SULF1: variants seen among roughly 807,000 people sequenced by gnomAD.
The protein encoded by SULF1 is sulfatase 1.
SULF1 carries 46 observed loss-of-function variants against 110.5 expected under a neutral mutation model. The observed-to-expected ratio is 0.42, with a 90% CI of 0.33 to 0.53. SULF1 has a LOEUF of 0.53. Ranked by LOEUF, SULF1 falls within the 20% of genes least tolerant of loss-of-function variation. SULF1 has a pLI of 0.12. For missense variants in SULF1, 941 were observed against 1,094.2 expected (o/e 0.86, Z 1.98); for synonymous variants, 371 against 387.1 (o/e 0.96, Z 0.49).
chr8:69,590,687 C>G (rs778212043), intron 8 of SULF1, among the ~76,000 whole-genome samples: 1 of 152,134 alleles, frequency 6.6e-6, no homozygotes, highest in Non-Finnish European at 1.5e-5. Flanking sequence ...AAAATATCAT[C>G]GACAAATCAT....
At chr8:69,638,002 C>T (rs1481713988) in intron 19 of SULF1, 1 of 164,348 alleles carries the variant, frequency 6.1e-6, no homozygotes, top group Non-Finnish European at 1.3e-5. Context: ...CCAAATCCTC[C>T]AGGCTGGGCT....
chr8:69,625,089 CTGTT>C (rs1001138817), intron 15 of SULF1, among the ~76,000 whole-genome samples: 8 of 152,320 alleles, frequency 5.3e-5, no homozygotes, highest in Non-Finnish European at 7.3e-5. Context: ...ATCCCTGGGG[CTGTT>C]TGTTTACTTC....
Position 69,618,168 on chromosome 8 carries a change from AC to A in SULF1, c.1378-2866del, listed in dbSNP as rs1466978436. The stretch of plus-strand genomic sequence containing the variant: ...TCCTGTGTTTAATTAAGTTGACTTC[AC>A]AGTTTTTAAGTTAAATCATCTCTAA... On this transcript the variant is annotated intron_variant, in intron 13 of 22. Transcript: ENST00000402687. 3.3e-5 allele frequency among the ~76,000 whole-genome samples: 5 copies of A among 152,336 alleles called. No individual in the cohort carries two copies. The East Asian group carries it at 9.6e-4, about 29-fold the overall frequency.
chr8:69,469,813 G>A (rs1264440842), intron 1 of SULF1, among the ~76,000 whole-genome samples: 2 of 152,160 alleles, frequency 1.3e-5, no homozygotes, highest in African/African-American at 2.4e-5. Flanking sequence ...AGGCCGAGGC[G>A]GGTGGATCAC....
intron 3 of SULF1, among the ~76,000 whole-genome samples, chr8:69,557,004 A>G (rs746827821): frequency 2.2e-4 from 34 of 152,054 alleles, no homozygotes; most frequent in Non-Finnish European, 4.4e-4. Flanking sequence ...TCCCACTTAT[A>G]AGTGAGAACA....
intron 13 of SULF1, among the ~76,000 whole-genome samples, chr8:69,611,634 T>C (rs1235407205): frequency 6.6e-6 from 1 of 151,996 alleles, no homozygotes; most frequent in Non-Finnish European, 1.5e-5. Flanking sequence ...CACATGCAGG[T>C]AACTTTTTTA....
intron 3 of SULF1, among the ~76,000 whole-genome samples, chr8:69,552,660 G>C (rs1163602600): frequency 6.6e-6 from 1 of 152,154 alleles, no homozygotes; most frequent in Non-Finnish European, 1.5e-5. Flanking sequence ...AGGATTTATT[G>C]ATCCAATACT....
intron 18 of SULF1, 29 bp from the exon 19 acceptor site, chr8:69,629,475 A>G: frequency 6.3e-7 from 1 of 1,585,818 alleles, no homozygotes. Flanking sequence ...CCTTCTGAAC[A>G]CTCAAAATAA....
chr8:69,575,934 C>T (rs779086657), intron 5 of SULF1, 36 bp from the exon 6 acceptor site: 1 of 1,605,868 alleles, frequency 6.2e-7, no homozygotes, highest in Non-Finnish European at 8.5e-7. Context: ...TCATGTGCTG[C>T]ACTTTGCTAA....
At chr8:69,506,497 G>A (rs551776170) in intron 3 of SULF1, among the ~76,000 whole-genome samples, 1 of 152,194 alleles carries the variant, frequency 6.6e-6, no homozygotes, top group Non-Finnish European at 1.5e-5. Context: ...AAGCCAGTGA[G>A]CTTATGTTTA....
At chr8:69,573,734 T>C (rs1189211478) in intron 5 of SULF1, among the ~76,000 whole-genome samples, 1 of 152,188 alleles carries the variant, frequency 6.6e-6, no homozygotes, top group Non-Finnish European at 1.5e-5. Flanking sequence ...TCCACTTATC[T>C]CCAGGATATT....
intron 5 of SULF1, among the ~76,000 whole-genome samples, chr8:69,564,769 G>A (rs1374451273): frequency 6.6e-6 from 1 of 152,170 alleles, no homozygotes; most frequent in East Asian, 1.9e-4. Context: ...TCACCTGACT[G>A]GGTTTCTTAC....
chr8:69,567,225 G>A (rs1351624487), intron 5 of SULF1, among the ~76,000 whole-genome samples: 1 of 152,034 alleles, frequency 6.6e-6, no homozygotes, highest in African/African-American at 2.4e-5. Flanking sequence ...CTCCTTTCTT[G>A]GCAGAAAAGT....
intron 5 of SULF1, among the ~76,000 whole-genome samples, chr8:69,573,443 A>C (rs1805386726): frequency 6.6e-6 from 1 of 152,182 alleles, no homozygotes; most frequent in South Asian, 2.1e-4. Flanking sequence ...ATGAGTCTGT[A>C]AACTAGAGAT....
chr8:69,489,787 A>AG (rs1363076958), upstream of SULF1, among the ~76,000 whole-genome samples: 5 of 152,040 alleles, frequency 3.3e-5, no homozygotes, highest in Admixed American at 2.6e-4. Flanking sequence ...CATGTTAGCC[A>AG]GGATGGTCTC....
At chr8:69,491,219 T>A (rs1420122652), upstream of SULF1, among the ~76,000 whole-genome samples, 1 of 152,210 alleles carries the variant, frequency 6.6e-6, no homozygotes, top group Non-Finnish European at 1.5e-5. Flanking sequence ...GAAATGTCAT[T>A]AAGAACACTT....
intron 1 of SULF1, among the ~76,000 whole-genome samples, chr8:69,486,756 C>G (rs1809729282): frequency 6.6e-6 from 1 of 152,104 alleles, no homozygotes; most frequent in Non-Finnish European, 1.5e-5. Context: ...GTCCCTTGGA[C>G]CCATGCCCAA....
chr8:69,605,894 G>T (rs1170155432), intron 13 of SULF1, among the ~76,000 whole-genome samples: 1 of 152,172 alleles, frequency 6.6e-6, no homozygotes, highest in East Asian at 1.9e-4. Context: ...TGGGCAGCTG[G>T]GATTCAAACA....
intron 5 of SULF1, among the ~76,000 whole-genome samples, chr8:69,569,893 C>A (rs113779206): frequency 0.015 from 2,251 of 147,892 alleles, 29 homozygotes; most frequent in Middle Eastern, 0.049. Flanking sequence ...TTTTTTCTTG[C>A]CAATTCCATA....
Sources: allele counts gnomAD v4.1 joint callset (sites outside exome capture counted in the v4.1 genomes callset), GRCh38; gene constraint gnomAD v4.1.1; transcripts MANE v1.5; gene names NCBI Gene and HGNC (gene_info 2026-07-23, HGNC 2026-07-21).